ZNF610: variants seen among roughly 807,000 people sequenced by gnomAD.
ZNF610 encodes zinc finger protein 610, also known as zink finger protein.
ZNF610 carries 14 observed loss-of-function variants against 14.1 expected under a neutral mutation model. The ratio of observed to expected loss-of-function variants is 0.99; its 90% confidence interval spans 0.65 to 1.55. The LOEUF (loss-of-function observed/expected upper bound fraction) is 1.55, where lower values mean the gene tolerates loss of function less well. ZNF610 is among the 40% of genes most tolerant of loss of function. ZNF610 has a pLI of 0.00. For missense variants in ZNF610, 530 were observed against 558.0 expected, an observed-to-expected ratio of 0.95 and a Z score of 0.51; for synonymous variants, 185 against 187.6, an observed-to-expected ratio of 0.99 and a Z score of 0.11.
At position 52,357,774 on chromosome 19, in the gene ZNF610, C is replaced by T. The variant is rs1231273966; in HGVS notation, c.319+3395C>T. ...TTAAGGCTGCAGTGAGCTATGATCG[C>T]GCCACTGCACTGCAGCCTGGCTGAC... is the stretch of plus-strand genomic sequence containing the variant. On this transcript the variant is annotated intron_variant, in intron 5 of 5. Coordinates refer to ENST00000403906, the MANE Select transcript of ZNF610 (RefSeq NM_001161425.2). Among the ~76,000 whole-genome samples, 6 of 151,946 alleles carry T rather than the reference C, an allele frequency of 3.9e-5. No individual in the cohort carries two copies. In the East Asian group the frequency reaches 7.7e-4, roughly 20 times the overall value.
chr19:52,358,875 GT>G (rs1985653780), intron 5 of ZNF610, among the ~76,000 whole-genome samples: 1 of 152,152 alleles, frequency 6.6e-6, no homozygotes, highest in Non-Finnish European at 1.5e-5. Context: ...TGGATATCCA[GT>G]TTCCTCAGCA....
At chr19:52,349,333 C>T in intron 3 of ZNF610, 98 bp downstream of exon 3, 1 of 1,390,600 alleles carries the variant, frequency 7.2e-7, no homozygotes, top group Non-Finnish European at 1.0e-6. Flanking sequence ...CCATGCCTTC[C>T]CTCAGTCCCT....
chr19:52,334,960 A>ACACACACACACACACACACACACACACAG (rs59969071), upstream of ZNF610, among the ~76,000 whole-genome samples: 479 of 136,528 alleles, frequency 3.5e-3, 6 homozygotes, highest in African/African-American at 5.1e-3. Flanking sequence ...CACACACACA[A>ACACACACACACACACACACACACACACAG]TGTAATTTAC....
rs542239655 is a variant in ZNF610, at chr19:52,347,736, T to G, written c.-228T>G. The G allele has an allele frequency of 6.6e-6, 1 of 152,304 alleles. No homozygotes were observed. The highest frequency in any genetic ancestry group is 1.9e-4 in the East Asian group (1 of 5,172). The allele number at this position is 152,304 out of a possible 1,614,324, so 9.4% of individuals were successfully genotyped here. On this transcript the variant is annotated 5_prime_UTR_variant, in exon 2 of 6. Transcript: ENST00000403906. Reference sequence around the variant, plus strand: ...AGGAGTGTTGCCATGTTGTCCAAACTGGTCTCGAAATTCTGGAGTCAAGCA... The same window carrying G: ...AGGAGTGTTGCCATGTTGTCCAAACGGGTCTCGAAATTCTGGAGTCAAGCA...
intron 3 of ZNF610, among the ~76,000 whole-genome samples, chr19:52,353,187 A>G (rs7246724): frequency 0.48 from 72,586 of 152,056 alleles, 18,229 homozygotes; most frequent in African/African-American, 0.64. Context: ...TGATCCATCC[A>G]CCTCGGCCTC....
At chr19:52,358,057 T>C (rs964429937) in intron 5 of ZNF610, among the ~76,000 whole-genome samples, 6 of 152,248 alleles carry the variant, frequency 3.9e-5, no homozygotes, top group African/African-American at 1.2e-4. Flanking sequence ...TTACATGATA[T>C]AACTTCATTA....
In ZNF610 at chr19:52,336,862, C is replaced by T. The variant is rs955046834; in HGVS notation, c.-258+356C>T. ...CTGTCTTAGGACATTCAGGATTCTT[C>T]GTCCCAAATTCCATCCCACTAAAAA... On this transcript the variant is annotated intron_variant, in intron 1 of 5. Transcript: ENST00000403906. Among the ~76,000 whole-genome samples the T allele has an allele frequency of 7.9e-5, 12 of 152,312 alleles. No individual in the cohort carries two copies. In the South Asian group the frequency reaches 2.3e-3, roughly 29 times the overall value.
At chr19:52,351,508 C>T (rs1188808034) in intron 3 of ZNF610, among the ~76,000 whole-genome samples, 6 of 150,278 alleles carry the variant, frequency 4.0e-5, no homozygotes, top group Admixed American at 1.3e-4. Flanking sequence ...TTGTGCCTGG[C>T]GTGGTTCAGG....
intron 1 of ZNF610, chr19:52,344,186 A>G (rs996986330): frequency 2.0e-5 from 3 of 152,272 alleles, no homozygotes; most frequent in African/African-American, 7.2e-5. Context: ...CAGGGGGCCC[A>G]GGTTTCTCCT....
chr19:52,343,359 G>A (rs1259844977), intron 1 of ZNF610, among the ~76,000 whole-genome samples: 1 of 151,856 alleles, frequency 6.6e-6, no homozygotes, highest in African/African-American at 2.4e-5. Flanking sequence ...CAAAGATCAC[G>A]CCCTGCACTC....
chr19:52,360,364 A>G (rs1452921837), intron 5 of ZNF610, among the ~76,000 whole-genome samples: 1 of 146,056 alleles, frequency 6.8e-6, no homozygotes, highest in East Asian at 2.2e-4. Context: ...AGATGAAAAC[A>G]AATATATATG....
At position 52,365,682 on chromosome 19, in the gene ZNF610, CT is replaced by C; in HGVS notation, c.320-13del. On this transcript the variant is annotated splice_polypyrimidine_tract_variant and intron_variant, in intron 5 of 5. Transcript: ENST00000403906. ...CAGAATCATGGGTTCATGTTCTACT[CT>C]TTCTTCTTTTCTAGGGAGGAGCTGT... 6.3e-7 allele frequency: 1 copy of C among 1,582,410 alleles called. No homozygotes were observed. Among genetic ancestry groups the C allele is most frequent in the Middle Eastern group, 1.7e-4 (1 of 5,730 alleles).
Position 52,353,801 on chromosome 19 carries a change from CTT to C in ZNF610, c.185_186del (p.Phe62SerfsTer7). ...VMLENYRNLV[F>X]LGICLPDLSI... is the part of the protein sequence containing the mutation. ...TGTTGGAGAACTACAGGAACCTGGT[CTT>C]TCTGGGTGAGGATGACTTCCCTCCA... On this transcript the variant is annotated frameshift_variant, in exon 4 of 6. Coordinates refer to ENST00000403906, the MANE Select transcript of ZNF610 (RefSeq NM_001161425.2). LOFTEE classifies it high-confidence loss of function. The C allele has an allele frequency of 6.2e-7, 1 of 1,611,816 alleles. No homozygotes were observed.
At chr19:52,332,778 T>C (rs559903324), upstream of ZNF610, among the ~76,000 whole-genome samples, 4 of 152,196 alleles carry the variant, frequency 2.6e-5, no homozygotes, top group South Asian at 8.3e-4. This position sits in a 1 kb window ranked among gnomAD's most constrained non-coding sequence, Gnocchi z 4.1. Context: ...TTTAAGTTGT[T>C]GAAGGAATTA....
chr19:52,341,899 G>A (rs1274064444), intron 1 of ZNF610, among the ~76,000 whole-genome samples: 2 of 152,034 alleles, frequency 1.3e-5, no homozygotes, highest in African/African-American at 2.4e-5. Flanking sequence ...CAACCTCGAC[G>A]TCCTGGGCTC....
At chr19:52,352,330 G>A (rs542411642) in intron 3 of ZNF610, among the ~76,000 whole-genome samples, 1 of 151,714 alleles carries the variant, frequency 6.6e-6, no homozygotes, top group Admixed American at 6.6e-5. Context: ...CCTCTGTCTC[G>A]CAGGTTCAAG....
intron 1 of ZNF610, among the ~76,000 whole-genome samples, chr19:52,341,341 C>T (rs143542650): frequency 0.031 from 4,772 of 152,032 alleles, 117 homozygotes; most frequent in Non-Finnish European, 0.047. Context: ...GACAGAGTCT[C>T]GCTTTGTCAT....
At chr19:52,342,356 A>T (rs1984725465) in intron 1 of ZNF610, among the ~76,000 whole-genome samples, 1 of 151,976 alleles carries the variant, frequency 6.6e-6, no homozygotes, top group African/African-American at 2.4e-5. Flanking sequence ...GTGCTCCCAA[A>T]TCTCTGGAAT....
At chr19:52,348,495 A>G (rs1985075609) in intron 2 of ZNF610, among the ~76,000 whole-genome samples, 1 of 152,062 alleles carries the variant, frequency 6.6e-6, no homozygotes. Flanking sequence ...TGTAGACTCT[A>G]TCTGCTCATT....
Sources: allele counts gnomAD v4.1 joint callset (sites outside exome capture counted in the v4.1 genomes callset), GRCh38; gene constraint gnomAD v4.1.1; non-coding constraint Gnocchi (gnomAD v3.1); transcripts MANE v1.5; gene names NCBI Gene and HGNC (gene_info 2026-07-23, HGNC 2026-07-21).